The following GALNT13 variants were observed in gnomAD, a reference collection of about 807,000 sequenced individuals.
GALNT13 encodes the protein UDP-GalNAc:polypeptide N-acetylgalactosaminyltransferase 13.
Under a neutral mutation model 64.2 loss-of-function variants are expected in GALNT13, and 28 were observed. The ratio of observed to expected loss-of-function variants is 0.44; its 90% CI spans 0.32 to 0.60. The LOEUF (loss-of-function observed/expected upper bound fraction) is 0.60. Among genes scored for constraint, GALNT13 ranks in the 20% least tolerant of loss-of-function variants. The pLI is 0.05. For synonymous variants in GALNT13, 214 were observed against 224.6 expected, an observed-to-expected ratio of 0.95 and a Z score of 0.42; for missense variants, 577 against 669.8, an observed-to-expected ratio of 0.86 and a Z score of 1.53.
intron 3 of GALNT13, among the ~76,000 whole-genome samples, chr2:153,949,491 T>C (rs1206415294): frequency 2.7e-5 from 4 of 148,408 alleles, no homozygotes; most frequent in African/African-American, 1.0e-4. Flanking sequence ...GGCTGGGCAA[T>C]ATAGTGAGAC....
intron 9 of GALNT13, among the ~76,000 whole-genome samples, chr2:154,335,980 G>T (rs1207353509): frequency 6.6e-6 from 1 of 151,748 alleles, no homozygotes; most frequent in East Asian, 1.9e-4. Context: ...TTGGTACTTT[G>T]TTAGAAATCT....
the GALNT13 span, among the ~76,000 whole-genome samples, chr2:153,502,909 C>T: frequency 1.3e-5 from 2 of 151,884 alleles, no homozygotes; most frequent in Admixed American, 1.3e-4. Flanking sequence ...TATTCATGTC[C>T]TTAGCCCACT....
At chr2:153,521,115 G>A in the GALNT13 span, among the ~76,000 whole-genome samples, 2 of 152,132 alleles carry the variant, frequency 1.3e-5, no homozygotes, top group African/African-American at 4.8e-5. Context: ...GCCATATAAA[G>A]TATCCTTGTA....
chr2:153,099,029 G>A, the GALNT13 span, among the ~76,000 whole-genome samples: 9 of 152,128 alleles, frequency 5.9e-5, no homozygotes, highest in South Asian at 1.5e-3. Flanking sequence ...GCTGAGGCAA[G>A]GGAATCGCTT....
chr2:153,717,390 C>A, the GALNT13 span, among the ~76,000 whole-genome samples: 1 of 152,124 alleles, frequency 6.6e-6, no homozygotes, highest in African/African-American at 2.4e-5. Flanking sequence ...GAGATTTAAG[C>A]ATCTATTGAG....
intron 8 of GALNT13, among the ~76,000 whole-genome samples, chr2:154,272,504 T>C (rs907777413): frequency 3.9e-5 from 6 of 152,108 alleles, no homozygotes; most frequent in African/African-American, 1.4e-4. Flanking sequence ...ACGTGCATGT[T>C]ACCCTTAAAA....
chr2:153,403,303 G>A, the GALNT13 span, among the ~76,000 whole-genome samples: 2 of 150,984 alleles, frequency 1.3e-5, no homozygotes, highest in Admixed American at 6.6e-5. Flanking sequence ...CTCCAGCTGC[G>A]TGCTGGGAGA....
chr2:153,720,164 A>C, the GALNT13 span, among the ~76,000 whole-genome samples: 2 of 146,174 alleles, frequency 1.4e-5, no homozygotes, highest in African/African-American at 5.2e-5. Flanking sequence ...CTGACCCCCG[A>C]GCAGCCTAAC....
chr2:153,563,102 ATC>A, the GALNT13 span, among the ~76,000 whole-genome samples: 73,896 of 150,988 alleles, frequency 0.49, 18,573 homozygotes, highest in African/African-American at 0.61. Flanking sequence ...TATTTGTGTA[ATC>A]TCTGTTTATT....
chr2:153,938,771 G>T (rs1691127877), intron 2 of GALNT13, among the ~76,000 whole-genome samples: 1 of 151,922 alleles, frequency 6.6e-6, no homozygotes, highest in Non-Finnish European at 1.5e-5. Flanking sequence ...TCTCCTTGAA[G>T]GGTACCAGTC....
the GALNT13 span, among the ~76,000 whole-genome samples, chr2:153,223,939 T>C: frequency 6.6e-6 from 1 of 152,004 alleles, no homozygotes; most frequent in Non-Finnish European, 1.5e-5. Flanking sequence ...CACTGCACTG[T>C]AGCCTGGGTG....
intron 8 of GALNT13, among the ~76,000 whole-genome samples, chr2:154,271,193 A>G (rs1573993060): frequency 6.6e-6 from 1 of 151,954 alleles, no homozygotes; most frequent in African/African-American, 2.4e-5. Flanking sequence ...TTGCTTGGAT[A>G]CAACTTGGTA....
intron 3 of GALNT13, among the ~76,000 whole-genome samples, chr2:154,005,605 C>T (rs1399830987): frequency 6.6e-6 from 1 of 152,156 alleles, no homozygotes; most frequent in Non-Finnish European, 1.5e-5. Context: ...TCCAAGCACA[C>T]AGCGAGTTTA....
At chr2:154,263,845 A>G (rs962314697) in intron 8 of GALNT13, among the ~76,000 whole-genome samples, 4 of 152,144 alleles carry the variant, frequency 2.6e-5, no homozygotes, top group Non-Finnish European at 5.9e-5. Context: ...CATTCACCTG[A>G]ATAAATTAAA....
chr2:153,714,361 C>T, the GALNT13 span, among the ~76,000 whole-genome samples: 16 of 152,054 alleles, frequency 1.1e-4, no homozygotes, highest in African/African-American at 3.9e-4. Flanking sequence ...ATAAAATACA[C>T]AATAGGCATG....
the GALNT13 span, among the ~76,000 whole-genome samples, chr2:153,693,923 G>C: frequency 1.3e-5 from 2 of 151,996 alleles, no homozygotes; most frequent in Non-Finnish European, 2.9e-5. Flanking sequence ...GACCATCCTG[G>C]TGAAACCCTG....
chr2:153,576,973 C>T, the GALNT13 span, among the ~76,000 whole-genome samples: 756 of 152,158 alleles, frequency 5.0e-3, 6 homozygotes, highest in African/African-American at 0.018. Flanking sequence ...CTGTTTCTCT[C>T]TATTTCATTG....
chr2:153,229,149 T>C, the GALNT13 span, among the ~76,000 whole-genome samples: 2 of 152,214 alleles, frequency 1.3e-5, no homozygotes, highest in East Asian at 1.9e-4. Context: ...ATAGCTTTCA[T>C]CCTGCTTCAT....
At chr2:153,257,307 C>A in the GALNT13 span, among the ~76,000 whole-genome samples, 9 of 152,196 alleles carry the variant, frequency 5.9e-5, 1 homozygote, top group South Asian at 1.9e-3. Flanking sequence ...CGCCCTGCTT[C>A]GGCTCGTGCA....
Sources: allele counts gnomAD v4.1 joint callset (sites outside exome capture counted in the v4.1 genomes callset), GRCh38; gene constraint gnomAD v4.1.1; transcripts MANE v1.5; gene names NCBI Gene and HGNC (gene_info 2026-07-23, HGNC 2026-07-21).